The following CNTNAP2 variants were observed in gnomAD, a reference collection of about 807,000 sequenced individuals.
The protein encoded by CNTNAP2 is contactin-associated protein-like 2.
A neutral mutation model predicts 155.2 loss-of-function variants in CNTNAP2; 98 were observed. The ratio of observed to expected loss-of-function variants is 0.63; its 90% CI spans 0.54 to 0.75. The LOEUF (loss-of-function observed/expected upper bound fraction) is 0.75. Ranked by LOEUF, CNTNAP2 falls within the 30% of genes least tolerant of loss-of-function variation. The probability of loss-of-function intolerance (pLI) is 0.00; values close to 1 mark genes in which losing one functional copy is unlikely to be tolerated. For missense variants in CNTNAP2, 1,727 were observed against 1,688.1 expected (o/e 1.02, Z -0.40); for synonymous variants, 651 against 631.2 (o/e 1.03, Z -0.47).
At chr7:147,667,977 T>A (rs79207300) in intron 13 of CNTNAP2, among the ~76,000 whole-genome samples, 6,152 of 152,218 alleles carry the variant, frequency 0.04, 139 homozygotes, top group Middle Eastern at 0.13. Context: ...TGACTTCAAA[T>A]GATTTGCTCA....
chr7:146,222,657 A>AT (rs1799226136), intron 1 of CNTNAP2, among the ~76,000 whole-genome samples: 1 of 66,400 alleles, frequency 1.5e-5, no homozygotes, highest in African/African-American at 5.9e-5. Flanking sequence ...GGAAAAGGTA[A>AT]ATTTTTTTTT....
chr7:146,288,241 T>A (rs1442295603), intron 1 of CNTNAP2, among the ~76,000 whole-genome samples: 1 of 145,446 alleles, frequency 6.9e-6, no homozygotes, highest in Non-Finnish European at 1.5e-5. Flanking sequence ...GAGGCTACAG[T>A]GAGCTGTGAC....
intron 13 of CNTNAP2, among the ~76,000 whole-genome samples, chr7:147,902,202 G>A (rs1799881287): frequency 6.6e-6 from 1 of 152,152 alleles, no homozygotes; most frequent in Non-Finnish European, 1.5e-5. Context: ...TGTCTTCCAA[G>A]GAGAGAGGTA....
intron 18 of CNTNAP2, among the ~76,000 whole-genome samples, chr7:148,213,159 C>T (rs1175116149): frequency 6.6e-6 from 1 of 152,164 alleles, no homozygotes; most frequent in East Asian, 1.9e-4. Context: ...AAGCATCTCA[C>T]ACCCTTGTGC....
intron 16 of CNTNAP2, among the ~76,000 whole-genome samples, chr7:148,119,550 C>A (rs958770072): frequency 6.6e-6 from 1 of 151,974 alleles, no homozygotes; most frequent in Admixed American, 6.6e-5. Flanking sequence ...AAAAAAGTCT[C>A]CCTTTGCCAA....
chr7:146,947,097 C>T (rs567074865), intron 3 of CNTNAP2, among the ~76,000 whole-genome samples: 3 of 151,608 alleles, frequency 2.0e-5, no homozygotes, highest in Non-Finnish European at 2.9e-5. Flanking sequence ...AGTGGCGTGA[C>T]CTCAGCTCCC....
At chr7:146,187,538 T>A (rs1350280847) in intron 1 of CNTNAP2, among the ~76,000 whole-genome samples, 1 of 152,234 alleles carries the variant, frequency 6.6e-6, no homozygotes, top group Non-Finnish European at 1.5e-5. Flanking sequence ...TGTGATTCTT[T>A]GTGACCCTGT....
chr7:146,935,374 A>G (rs932887033), intron 3 of CNTNAP2, among the ~76,000 whole-genome samples: 1 of 152,220 alleles, frequency 6.6e-6, no homozygotes, highest in South Asian at 2.1e-4. Flanking sequence ...GATAGATAAA[A>G]TATGAAAGCC....
In CNTNAP2 at chr7:147,701,881, G is replaced by A. The variant is rs571269789; in HGVS notation, c.2098+62575G>A. On this transcript the variant is annotated intron_variant, in intron 13 of 23. Coordinates refer to ENST00000361727, the MANE Select transcript of CNTNAP2 (RefSeq NM_014141.6). ...ACCAGCTATGCTATGCTTTCATTAC[G>A]GTGCGGAAGGAACCCTGTTAGAGAC... 2.9e-4 allele frequency among the ~76,000 whole-genome samples: 44 copies of A among 152,014 alleles called. 1 individual carries two copies. The highest frequency in any genetic ancestry group is 3.4e-3 in the Middle Eastern group (1 of 294).
intron 1 of CNTNAP2, among the ~76,000 whole-genome samples, chr7:146,267,953 C>T (rs1800021124): frequency 6.6e-6 from 1 of 152,116 alleles, no homozygotes; most frequent in Admixed American, 6.5e-5. Flanking sequence ...GGTATAACAA[C>T]ATGAGAAAGC....
At position 146,902,718 on chromosome 7, in the gene CNTNAP2, TTTC is replaced by T. The variant is rs1162671874; in HGVS notation, c.402+62817_402+62819del. On this transcript the variant is annotated intron_variant, in intron 3 of 23. Transcript: ENST00000361727. ...AGTCTCTTCTGGTTAACTGGAGCCC[TTTC>T]TTGTAAATGTTCCGTCTCATGAGCT... Among the ~76,000 whole-genome samples the T allele has an allele frequency of 1.1e-4, 16 of 152,332 alleles. No individual in the cohort carries two copies. The South Asian group carries it at 3.3e-3, about 32-fold the overall frequency.
chr7:146,463,794 T>C (rs183659571), intron 1 of CNTNAP2, among the ~76,000 whole-genome samples: 3 of 152,116 alleles, frequency 2.0e-5, no homozygotes, highest in African/African-American at 7.2e-5. Flanking sequence ...TCTAATATAG[T>C]GTTAACAAGT....
At chr7:146,757,657 C>A (rs1802016170) in intron 1 of CNTNAP2, among the ~76,000 whole-genome samples, 1 of 152,096 alleles carries the variant, frequency 6.6e-6, no homozygotes, top group African/African-American at 2.4e-5. Flanking sequence ...GAAATTAGAA[C>A]TTAAGTTTTC....
At chr7:148,246,451 C>T (rs908507147) in intron 20 of CNTNAP2, among the ~76,000 whole-genome samples, 2 of 152,006 alleles carry the variant, frequency 1.3e-5, no homozygotes, top group Non-Finnish European at 2.9e-5. Context: ...ATTAAAGAAA[C>T]AAACTCAAAC....
intron 16 of CNTNAP2, among the ~76,000 whole-genome samples, chr7:148,123,931 T>C (rs760545627): frequency 9.9e-5 from 15 of 152,134 alleles, no homozygotes; most frequent in Non-Finnish European, 1.8e-4. Context: ...ATTTAACATG[T>C]AGAGGTCACG....
chr7:148,379,911 G>A (rs1419017263), intron 21 of CNTNAP2, among the ~76,000 whole-genome samples: 1 of 152,136 alleles, frequency 6.6e-6, no homozygotes, highest in African/African-American at 2.4e-5. Context: ...TTGGCATTCA[G>A]TAACTGAACA....
At chr7:148,278,982 G>A (rs1796927034) in intron 21 of CNTNAP2, among the ~76,000 whole-genome samples, 1 of 152,180 alleles carries the variant, frequency 6.6e-6, no homozygotes, top group Admixed American at 6.5e-5. Flanking sequence ...TTCAAGGACA[G>A]GAAGAAAACC....
In CNTNAP2 at chr7:146,959,155, G is replaced by A. The variant is rs536999119; in HGVS notation, c.403-84752G>A. On this transcript the variant is annotated intron_variant, in intron 3 of 23. Coordinates refer to ENST00000361727, the MANE Select transcript of CNTNAP2 (RefSeq NM_014141.6). The stretch of plus-strand genomic sequence containing the variant: ...CTGCCTCAGCCTGCCGAGTAACTGG[G>A]ACTACAGGCACCCACCACCACGCCT... 9.1e-4 allele frequency among the ~76,000 whole-genome samples: 139 copies of A among 152,064 alleles called. 1 individual carries two copies. The highest frequency in any genetic ancestry group is 3.2e-3 in the African/African-American group (131 of 41,502).
chr7:146,327,022 C>G (rs948197771), intron 1 of CNTNAP2, among the ~76,000 whole-genome samples: 1 of 151,932 alleles, frequency 6.6e-6, no homozygotes, highest in Non-Finnish European at 1.5e-5. Flanking sequence ...TATTCAAGAC[C>G]ATGGTGCCAC....
Sources: gnomAD v4.1 joint callset for allele counts (sites outside exome capture counted in the v4.1 genomes callset) on GRCh38, gnomAD v4.1.1 for gene constraint, MANE v1.5 for transcripts, NCBI Gene and HGNC (gene_info 2026-07-23, HGNC 2026-07-21) for gene names.